TENM2: variants seen among roughly 807,000 people sequenced by gnomAD.
TENM2 encodes teneurin transmembrane protein 2.
TENM2 carries 52 observed loss-of-function variants against 245.2 expected under a neutral mutation model. That is an observed-to-expected ratio of 0.21 (90% CI 0.17 to 0.27). The LOEUF is 0.27. Ranked by LOEUF, TENM2 falls within the 10% of genes least tolerant of loss-of-function variation. The pLI is 1.00. For missense variants in TENM2, 3,046 were observed against 3,666.8 expected, an observed-to-expected ratio of 0.83 and a Z score of 4.37; for synonymous variants, 1,363 against 1,438.9, an observed-to-expected ratio of 0.95 and a Z score of 1.19.
At chr5:167,116,802 C>T in the TENM2 span, 495 of 152,164 alleles carry the variant, frequency 3.3e-3, 3 homozygotes, top group African/African-American at 0.011. Context: ...TTTCAATTAG[C>T]CTGACATTAG....
chr5:167,600,323 C>T (rs993555648), intron 2 of TENM2, among the ~76,000 whole-genome samples: 2 of 151,664 alleles, frequency 1.3e-5, no homozygotes, highest in Non-Finnish European at 2.9e-5. Flanking sequence ...AAATTAGAAC[C>T]TTTTTTTGTT....
intron 2 of TENM2, among the ~76,000 whole-genome samples, chr5:167,875,014 A>G (rs1418077394): frequency 6.6e-6 from 1 of 152,160 alleles, no homozygotes; most frequent in Admixed American, 6.5e-5. Context: ...CAAACTAATG[A>G]GTCTAGTTTT....
the TENM2 span, among the ~76,000 whole-genome samples, chr5:167,034,621 C>T: frequency 6.9e-4 from 78 of 112,412 alleles, no homozygotes; most frequent in African/African-American, 2.6e-3. Flanking sequence ...CAGAGCGAGA[C>T]TCCGTCTCAA....
chr5:167,192,099 A>G, the TENM2 span, among the ~76,000 whole-genome samples: 10 of 152,230 alleles, frequency 6.6e-5, no homozygotes, highest in South Asian at 2.1e-3. Flanking sequence ...TACTCTAGGT[A>G]CAGAAAGCTG....
chr5:167,033,558 C>A, the TENM2 span, among the ~76,000 whole-genome samples: 1 of 152,104 alleles, frequency 6.6e-6, no homozygotes, highest in Non-Finnish European at 1.5e-5. Context: ...CTTGATATTT[C>A]TTTTTGTTGA....
At chr5:168,193,309 CT>C (rs1255140275) in intron 14 of TENM2, among the ~76,000 whole-genome samples, 2 of 152,166 alleles carry the variant, frequency 1.3e-5, no homozygotes, top group East Asian at 3.8e-4. Flanking sequence ...TAAAAAAGAA[CT>C]CGAAAATTCA....
chr5:167,214,576 C>T, the TENM2 span, among the ~76,000 whole-genome samples: 4 of 152,162 alleles, frequency 2.6e-5, no homozygotes, highest in African/African-American at 9.6e-5. Context: ...GGGTATGTAA[C>T]CAATAGTCTT....
At chr5:168,043,908 C>A (rs1788401626) in intron 5 of TENM2, among the ~76,000 whole-genome samples, 1 of 152,222 alleles carries the variant, frequency 6.6e-6, no homozygotes. Flanking sequence ...TTTGCTGAGA[C>A]TCCATTACCC....
At chr5:167,048,203 T>C in the TENM2 span, among the ~76,000 whole-genome samples, 1 of 152,192 alleles carries the variant, frequency 6.6e-6, no homozygotes, top group Non-Finnish European at 1.5e-5. Context: ...CATTTCTCCA[T>C]CCAAGGGAAT....
chr5:167,368,551 A>G (rs377608667), intron 1 of TENM2, among the ~76,000 whole-genome samples: 14 of 152,076 alleles, frequency 9.2e-5, no homozygotes, highest in African/African-American at 3.1e-4. Flanking sequence ...TTTTTTTACT[A>G]TATCCTGGCC....
chr5:167,529,768 A>C (rs1664578244), intron 2 of TENM2, among the ~76,000 whole-genome samples: 1 of 152,192 alleles, frequency 6.6e-6, no homozygotes, highest in Non-Finnish European at 1.5e-5. Context: ...AACTCTCTTA[A>C]GTTCCTAAAT....
chr5:167,675,098 CT>C (rs1756227703), intron 2 of TENM2, among the ~76,000 whole-genome samples: 1 of 152,114 alleles, frequency 6.6e-6, no homozygotes, highest in Admixed American at 6.6e-5. Context: ...AATATGTAAG[CT>C]CTCCAAAAAT....
At chr5:167,589,320 A>C (rs1775721826) in intron 2 of TENM2, among the ~76,000 whole-genome samples, 1 of 152,210 alleles carries the variant, frequency 6.6e-6, no homozygotes, top group African/African-American at 2.4e-5. Context: ...TTAATGCATG[A>C]TACACAAATT....
chr5:167,890,521 TA>T (rs1209492818), intron 3 of TENM2, among the ~76,000 whole-genome samples: 1 of 152,156 alleles, frequency 6.6e-6, no homozygotes, highest in Non-Finnish European at 1.5e-5. Context: ...GTATTATTTT[TA>T]AAATTATGCT....
chr5:168,100,438 GT>G (rs200214709), intron 9 of TENM2, among the ~76,000 whole-genome samples: 44,827 of 152,044 alleles, frequency 0.29, 7,167 homozygotes, highest in East Asian at 0.6. Flanking sequence ...GCACACGTAT[GT>G]TTTATTGCAG....
At chr5:167,516,595 C>T (rs1705673944) in intron 2 of TENM2, among the ~76,000 whole-genome samples, 1 of 152,142 alleles carries the variant, frequency 6.6e-6, no homozygotes, top group African/African-American at 2.4e-5. Flanking sequence ...CACCTTCTGC[C>T]TAGGCTAATG....
chr5:167,369,597 A>G (rs1048274487), intron 1 of TENM2, among the ~76,000 whole-genome samples: 3 of 152,178 alleles, frequency 2.0e-5, no homozygotes, highest in African/African-American at 7.2e-5. Context: ...TTGATGTGAG[A>G]AGAGATACTA....
intron 2 of TENM2, among the ~76,000 whole-genome samples, chr5:167,797,518 G>C (rs965937040): frequency 6.6e-6 from 1 of 152,174 alleles, no homozygotes; most frequent in African/African-American, 2.4e-5. Flanking sequence ...GGTAGCACCT[G>C]CAAGCGTTTG....
At chr5:168,255,046 C>CA (rs371103095) in intron 27 of TENM2, among the ~76,000 whole-genome samples, 4,975 of 124,276 alleles carry the variant, frequency 0.04, 102 homozygotes, top group African/African-American at 0.055. Context: ...GACGCTGTCT[C>CA]AAAAAAAAAA....
Sources: gnomAD v4.1 joint callset for allele counts (sites outside exome capture counted in the v4.1 genomes callset) on GRCh38, gnomAD v4.1.1 for gene constraint, MANE v1.5 for transcripts, NCBI Gene and HGNC (gene_info 2026-07-23, HGNC 2026-07-21) for gene names.